The following KCTD16 variants were observed in gnomAD, a reference collection of about 807,000 sequenced individuals.
KCTD16 encodes the protein potassium channel tetramerization domain containing 16.
A neutral mutation model predicts 33.2 loss-of-function variants in KCTD16; 13 were observed. That is an observed-to-expected ratio of 0.39 (90% CI 0.25 to 0.62). The LOEUF is 0.62. KCTD16 is among the 20% of genes least tolerant of loss of function. KCTD16 has a pLI of 0.50. For missense variants in KCTD16, 441 were observed against 525.1 expected (o/e 0.84, Z 1.57); for synonymous variants, 197 against 195.3 (o/e 1.01, Z -0.07).
chr5:144,471,120 C>T (rs1178227746), intron 3 of KCTD16, among the ~76,000 whole-genome samples: 1 of 152,120 alleles, frequency 6.6e-6, no homozygotes, highest in East Asian at 1.9e-4. Flanking sequence ...GTGGAGGTTG[C>T]AGTGAACTGA....
rs1270931290 is a variant in KCTD16, at chr5:144,473,815, T to C, written c.988T>C (p.Cys330Arg). 1.9e-6 allele frequency: 3 copies of C among 1,613,990 alleles called. No homozygotes were observed. Among genetic ancestry groups the C allele is most frequent in the African/African-American group, 2.7e-5 (2 of 74,908 alleles). The change falls in exon 4 of 4, where the codon TGT becomes CGT. Residue 330 changes from cysteine to arginine, a missense_variant. Cys to Arg is a radical substitution (Grantham distance 180, BLOSUM62 -3). Transcript: ENST00000512467. ...CAGCTCTCCCCAGGAGACGGTCATC[T>C]GTGGTCCCGTGACACGCCAGACCAA... ...EASSPQETVI[C>R]GPVTRQTNIQ...
chr5:144,258,686 A>AAAAG (rs1348817019), intron 3 of KCTD16, among the ~76,000 whole-genome samples: 1 of 152,236 alleles, frequency 6.6e-6, no homozygotes, highest in South Asian at 2.1e-4. Flanking sequence ...CAAACAGAGG[A>AAAAG]AAATACAAAA....
intron 3 of KCTD16, among the ~76,000 whole-genome samples, chr5:144,299,712 A>G (rs1401640219): frequency 6.6e-6 from 1 of 152,082 alleles, no homozygotes; most frequent in Non-Finnish European, 1.5e-5. Context: ...AATGAAAGCA[A>G]CACAGTTGGT....
At chr5:144,436,520 A>G (rs1157150802) in intron 3 of KCTD16, among the ~76,000 whole-genome samples, 1 of 152,126 alleles carries the variant, frequency 6.6e-6, no homozygotes, top group Non-Finnish European at 1.5e-5. Context: ...GAGACTACCT[A>G]CTAGGCCTGT....
At chr5:144,295,801 G>A (rs1167249072) in intron 3 of KCTD16, among the ~76,000 whole-genome samples, 1 of 152,164 alleles carries the variant, frequency 6.6e-6, no homozygotes, top group Non-Finnish European at 1.5e-5. Context: ...GCTGGCATCA[G>A]ATAGATATAA....
chr5:144,431,381 G>A (rs1753458672), intron 3 of KCTD16, among the ~76,000 whole-genome samples: 1 of 152,114 alleles, frequency 6.6e-6, no homozygotes, highest in Non-Finnish European at 1.5e-5. Context: ...AATACAATGA[G>A]GTACTTGAAT....
chr5:144,464,699 TTCC>T (rs749492270), intron 3 of KCTD16, among the ~76,000 whole-genome samples: 1 of 128,086 alleles, frequency 7.8e-6, no homozygotes, highest in Non-Finnish European at 1.7e-5. Context: ...ACTCCTCTTC[TTCC>T]TCCTCCTCTT....
chr5:144,307,799 C>A (rs1010464141), intron 3 of KCTD16, among the ~76,000 whole-genome samples: 1 of 152,204 alleles, frequency 6.6e-6, no homozygotes, highest in Non-Finnish European at 1.5e-5. Flanking sequence ...GCCGCTGCTA[C>A]TACTAACTTC....
intron 3 of KCTD16, among the ~76,000 whole-genome samples, chr5:144,222,442 G>A (rs1436887685): frequency 6.6e-6 from 1 of 152,142 alleles, no homozygotes; most frequent in Non-Finnish European, 1.5e-5. Flanking sequence ...ATATGCCATT[G>A]TAAGATTCCT....
At chr5:144,376,967 A>G (rs908290239) in intron 3 of KCTD16, among the ~76,000 whole-genome samples, 1 of 152,244 alleles carries the variant, frequency 6.6e-6, no homozygotes, top group Non-Finnish European at 1.5e-5. Context: ...GAAGAAACCC[A>G]GCGGACTATT....
At chr5:144,343,645 T>G (rs1752705300) in intron 3 of KCTD16, among the ~76,000 whole-genome samples, 1 of 152,158 alleles carries the variant, frequency 6.6e-6, no homozygotes, top group Admixed American at 6.5e-5. Flanking sequence ...TTGCTCTTGC[T>G]TTTCTAGTTC....
intron 3 of KCTD16, among the ~76,000 whole-genome samples, chr5:144,230,394 C>G (rs933385219): frequency 7.9e-5 from 12 of 152,102 alleles, no homozygotes; most frequent in Non-Finnish European, 1.8e-4. Context: ...ATATCTCAAA[C>G]TTAATGTAAT....
chr5:144,334,971 G>A (rs1305780392), intron 3 of KCTD16, among the ~76,000 whole-genome samples: 1 of 151,644 alleles, frequency 6.6e-6, no homozygotes, highest in African/African-American at 2.4e-5. Flanking sequence ...GTAGAGATCT[G>A]GTCTCACTAT....
At chr5:144,355,697 T>C (rs1421370108) in intron 3 of KCTD16, among the ~76,000 whole-genome samples, 1 of 152,152 alleles carries the variant, frequency 6.6e-6, no homozygotes, top group African/African-American at 2.4e-5. Flanking sequence ...TTTCTGACAG[T>C]TGGTCCTTCA....
At position 144,482,540 on chromosome 5, in the gene KCTD16, G is replaced by C. The variant is rs933980464; in HGVS notation, c.*8426G>C. 1.3e-5 allele frequency: 2 copies of C among 151,742 alleles called. No individual in the cohort carries two copies. Among genetic ancestry groups the C allele is most frequent in the Non-Finnish European group, 2.9e-5 (2 of 67,870 alleles). 9.4% of individuals were successfully genotyped at this position (151,742 alleles called of 1,614,324 possible). A position where few individuals can be genotyped will look rare whatever the true frequency, so the allele number is the denominator to read the frequency against. On this transcript the variant is annotated 3_prime_UTR_variant, in exon 4 of 4. Transcript: ENST00000512467. ...ATCTGCTATTTTCATCTTTTGGCTT[G>C]TTAAACAGTCTCAGGTTTTTATTCA...
intron 3 of KCTD16, among the ~76,000 whole-genome samples, chr5:144,413,638 T>C (rs1467546283): frequency 6.6e-6 from 1 of 152,064 alleles, no homozygotes; most frequent in Non-Finnish European, 1.5e-5. Context: ...TAAGAAGGAT[T>C]AAAACAAAAA....
At chr5:144,300,243 C>G (rs1751392567) in intron 3 of KCTD16, among the ~76,000 whole-genome samples, 2 of 152,134 alleles carry the variant, frequency 1.3e-5, no homozygotes, top group South Asian at 4.1e-4. Flanking sequence ...TCCTGAGTCC[C>G]TGATCTAGCC....
chr5:144,368,437 T>G (rs1158104880), intron 3 of KCTD16, among the ~76,000 whole-genome samples: 1 of 152,034 alleles, frequency 6.6e-6, no homozygotes, highest in South Asian at 2.1e-4. Context: ...GGAAAAGGAA[T>G]GTGGGTGGTA....
intron 3 of KCTD16, among the ~76,000 whole-genome samples, chr5:144,380,283 A>G (rs1752182384): frequency 6.6e-6 from 1 of 152,154 alleles, no homozygotes; most frequent in Non-Finnish European, 1.5e-5. Flanking sequence ...CAGCTTACCA[A>G]GGAGGTAAAT....
Sources: allele counts gnomAD v4.1 joint callset (sites outside exome capture counted in the v4.1 genomes callset), GRCh38; gene constraint gnomAD v4.1.1; transcripts MANE v1.5; gene names NCBI Gene and HGNC (gene_info 2026-07-23, HGNC 2026-07-21).